The following SLC9B1 variants were observed in gnomAD, a reference collection of about 807,000 sequenced individuals.
SLC9B1 encodes the protein sodium/hydrogen exchanger 9B1.
A neutral mutation model predicts 51.7 loss-of-function variants in SLC9B1; 32 were observed. The observed-to-expected ratio is 0.62, with a 90% CI of 0.47 to 0.83. The LOEUF (loss-of-function observed/expected upper bound fraction) is 0.83. Ranked by LOEUF, SLC9B1 falls within the 40% of genes least tolerant of loss-of-function variation. The probability of loss-of-function intolerance (pLI) is 0.00; values close to 1 mark genes in which losing one functional copy is unlikely to be tolerated. For missense variants in SLC9B1, 406 were observed against 613.2 expected (o/e 0.66, Z 3.57); for synonymous variants, 145 against 212.7 (o/e 0.68, Z 2.77).
intron 6 of SLC9B1, among the ~76,000 whole-genome samples, chr4:102,944,025 T>C (rs375859449): frequency 1.5e-3 from 234 of 152,240 alleles, no homozygotes; most frequent in African/African-American, 5.3e-3. Flanking sequence ...GTGGCACATA[T>C]ACACCATAGA....
At chr4:102,961,386 G>A (rs538023203) in intron 3 of SLC9B1, among the ~76,000 whole-genome samples, 1 of 152,378 alleles carries the variant, frequency 6.6e-6, no homozygotes, top group Admixed American at 6.5e-5. Flanking sequence ...ACATACTTCA[G>A]ATCTGTCTCA....
intron 3 of SLC9B1, among the ~76,000 whole-genome samples, chr4:102,986,962 T>C (rs1042071423): frequency 6.6e-6 from 1 of 152,212 alleles, no homozygotes; most frequent in African/African-American, 2.4e-5. Flanking sequence ...ATGAGTCTGG[T>C]TCTGATGTTT....
At chr4:102,981,267 C>T (rs528624772) in intron 3 of SLC9B1, among the ~76,000 whole-genome samples, 46 of 152,036 alleles carry the variant, frequency 3.0e-4, no homozygotes, top group Non-Finnish European at 6.3e-4. Flanking sequence ...ATTTTGATTG[C>T]TTCTGAATTT....
chr4:102,927,514 A>G (rs187380555), intron 7 of SLC9B1, among the ~76,000 whole-genome samples: 21 of 152,320 alleles, frequency 1.4e-4, no homozygotes, highest in Admixed American at 6.5e-4. Context: ...GCAAATCAAA[A>G]CCACAATGAG....
chr4:102,957,536 A>G (rs1386099769), intron 3 of SLC9B1, among the ~76,000 whole-genome samples: 1 of 152,242 alleles, frequency 6.6e-6, no homozygotes, highest in African/African-American at 2.4e-5. Flanking sequence ...GGAGGGAAAA[A>G]TAACTGTCAA....
intron 11 of SLC9B1, chr4:102,889,721 G>A (rs1560909298): frequency 6.6e-6 from 1 of 152,158 alleles, no homozygotes; most frequent in African/African-American, 2.4e-5. Flanking sequence ...CAGAAGCGTA[G>A]GGTTGGTAGT....
intron 3 of SLC9B1, among the ~76,000 whole-genome samples, chr4:102,971,089 G>A (rs1433213884): frequency 6.6e-6 from 1 of 152,044 alleles, no homozygotes; most frequent in African/African-American, 2.4e-5. Flanking sequence ...TGAGACAGAA[G>A]GTTAACAAGG....
chr4:103,019,577 C>A (rs1741641952), intron 1 of SLC9B1, 22 bp downstream of exon 1: 1 of 985,186 alleles, frequency 1.0e-6, no homozygotes, highest in African/African-American at 1.7e-5. Context: ...GGAAGGGCGG[C>A]GTTAAGAAAA....
chr4:102,976,549 TA>T (rs1468630098), intron 3 of SLC9B1, among the ~76,000 whole-genome samples: 2 of 152,048 alleles, frequency 1.3e-5, no homozygotes, highest in African/African-American at 2.4e-5. Flanking sequence ...ATTAATTTAA[TA>T]AAAAAGACAG....
At chr4:102,983,338 T>C (rs1356952508) in intron 3 of SLC9B1, among the ~76,000 whole-genome samples, 1 of 152,152 alleles carries the variant, frequency 6.6e-6, no homozygotes, top group African/African-American at 2.4e-5. Context: ...ATGAGAGATA[T>C]TGGTCTGTAG....
intron 7 of SLC9B1, among the ~76,000 whole-genome samples, chr4:102,923,829 C>T (rs1039932763): frequency 2.0e-5 from 3 of 152,092 alleles, no homozygotes; most frequent in African/African-American, 7.2e-5. Flanking sequence ...GAATAAAATA[C>T]CTAGGAATCC....
At chr4:102,980,013 C>T (rs1364930496) in intron 3 of SLC9B1, among the ~76,000 whole-genome samples, 1 of 152,138 alleles carries the variant, frequency 6.6e-6, no homozygotes, top group East Asian at 1.9e-4. Flanking sequence ...CCTCACTGAT[C>T]ATTAGAGAAA....
intron 1 of SLC9B1, among the ~76,000 whole-genome samples, chr4:102,998,692 T>C (rs140269519): frequency 6.6e-6 from 1 of 152,136 alleles, no homozygotes; most frequent in Non-Finnish European, 1.5e-5. Flanking sequence ...AGGCAAACAC[T>C]TGTTATTTTC....
At chr4:103,014,588 CCAGAGA>C (rs573054891) in intron 1 of SLC9B1, among the ~76,000 whole-genome samples, 28 of 152,268 alleles carry the variant, frequency 1.8e-4, no homozygotes, top group Admixed American at 1.8e-3. Flanking sequence ...CTAAATTAAA[CCAGAGA>C]CAGTTTCATA....
At chr4:102,889,330 C>CAGTT (rs1734109718) in intron 11 of SLC9B1, 2 of 152,268 alleles carry the variant, frequency 1.3e-5, no homozygotes, top group African/African-American at 4.8e-5. Context: ...TATTTTTCCA[C>CAGTT]AGTTGGTCAC....
downstream of SLC9B1, among the ~76,000 whole-genome samples, chr4:102,900,397 G>T (rs1734730244): frequency 1.3e-5 from 2 of 152,198 alleles, no homozygotes. Flanking sequence ...TTTCATTTTT[G>T]GAGGCTGCCT....
chr4:102,916,825 G>A (rs553158908), intron 7 of SLC9B1, among the ~76,000 whole-genome samples: 4 of 152,330 alleles, frequency 2.6e-5, no homozygotes, highest in South Asian at 4.1e-4. Context: ...AATATACTCT[G>A]TTAACCAATT....
chr4:102,958,092 A>G (rs1737900670), intron 3 of SLC9B1, among the ~76,000 whole-genome samples: 1 of 152,122 alleles, frequency 6.6e-6, no homozygotes, highest in African/African-American at 2.4e-5. Flanking sequence ...TATAGTTTGG[A>G]TATGTGTCCC....
intron 6 of SLC9B1, among the ~76,000 whole-genome samples, chr4:102,938,826 T>G (rs1033133929): frequency 2.6e-5 from 4 of 152,092 alleles, no homozygotes; most frequent in African/African-American, 9.7e-5. Flanking sequence ...TCTTTATAAC[T>G]AATTAAAACA....
Sources: allele counts gnomAD v4.1 joint callset (sites outside exome capture counted in the v4.1 genomes callset), GRCh38; gene constraint gnomAD v4.1.1; transcripts MANE v1.5; gene names NCBI Gene and HGNC (gene_info 2026-07-23, HGNC 2026-07-21).